RARA: variants seen among roughly 807,000 people sequenced by gnomAD.
The protein encoded by RARA is PML-DDX5-RARA fusion.
A neutral mutation model predicts 42.8 loss-of-function variants in RARA; 5 were observed. That is an observed-to-expected ratio of 0.12 (90% confidence interval 0.06 to 0.25). RARA has a LOEUF of 0.25. RARA is among the 10% of genes least tolerant of loss of function. The pLI, the probability that RARA is intolerant of heterozygous loss-of-function variation, is 1.00. For missense variants in RARA, 402 were observed against 628.7 expected (o/e 0.64, Z 3.86); for synonymous variants, 256 against 259.5 (o/e 0.99, Z 0.13).
At chr17:40,337,772 G>A (rs1219702695) in intron 2 of RARA, among the ~76,000 whole-genome samples, 10 of 152,222 alleles carry the variant, frequency 6.6e-5, no homozygotes, top group Non-Finnish European at 4.4e-5. Context: ...CCCAGCAGAA[G>A]GCAGAAAGGA....
rs537610439 is a variant in RARA, at chr17:40,318,494, G to T, written c.-363+9208G>T. On this transcript the variant is annotated intron_variant, in intron 1 of 8. Transcript: ENST00000254066. ...TTTGGGGAGCCCCTGGTTCCCGCAG[G>T]CGTCGGGGCCCCATGTCCTGCCCCA... 4 of 152,400 alleles carry T rather than the reference G, an allele frequency of 2.6e-5. No individual in the cohort carries two copies. In the South Asian group the frequency reaches 8.3e-4, roughly 32 times the overall value. 9.4% of individuals were successfully genotyped at this position (152,400 alleles called of 1,614,324 possible). A position where few individuals can be genotyped will look rare whatever the true frequency, so the allele number is the denominator to read the frequency against.
intron 1 of RARA, among the ~76,000 whole-genome samples, chr17:40,314,244 C>G (rs1345051253): frequency 6.6e-6 from 1 of 151,378 alleles, no homozygotes; most frequent in Non-Finnish European, 1.5e-5. Context: ...CCCATCAGCT[C>G]TGGTAACTCA....
rs1459578506 is a variant in RARA, at chr17:40,356,642, C to T, written c.*416C>T. ...CTGGGGAACCTCAACCTCCCCCCTG[C>T]CTCGGTTGGTGACAGAGGGGGTGGG... is the stretch of plus-strand genomic sequence containing the variant. On this transcript the variant is annotated 3_prime_UTR_variant, in exon 9 of 9. Coordinates refer to ENST00000254066, the MANE Select transcript of RARA (RefSeq NM_000964.4). The T allele has an allele frequency of 1.7e-5, 9 of 540,034 alleles. No individual in the cohort carries two copies. In the East Asian group the frequency reaches 3.5e-4, roughly 21 times the overall value. The allele number at this position is 540,034 out of a possible 1,614,324, so 33.5% of individuals were successfully genotyped here. A position where few individuals can be genotyped will look rare whatever the true frequency, so the allele number is the denominator to read the frequency against.
In RARA at chr17:40,331,379, G is replaced by A. The variant is rs2033687393; in HGVS notation, c.161G>A (p.Ser54Asn). The change falls in exon 2 of 9, where the codon AGC becomes AAC. Residue 54 changes from serine to asparagine, a missense_variant. Physicochemically the swap from Ser to Asn is conservative, Grantham distance 46 (BLOSUM62 1). This residue lies in a region of RARA where 91 missense variants were observed against 105.2 expected (regional missense o/e 0.87). Transcript: ENST00000254066. ...CACCAGCTTCCAGTTAGTGGATATA[G>A]CACACCATCCCCAGCCAGTAAGTCT... Reference protein sequence around the residue: ...LQHQLPVSGYSTPSPATIETQ... With the variant: ...LQHQLPVSGYNTPSPATIETQ... The A allele has an allele frequency of 6.2e-7, 1 of 1,613,508 alleles. No homozygotes were observed. Among genetic ancestry groups the A allele is most frequent in the Non-Finnish European group, 8.5e-7 (1 of 1,179,702 alleles).
rs533343697 is a variant in RARA, at chr17:40,347,967, G to A, written c.179-349G>A. 53 of 203,126 alleles carry A rather than the reference G, an allele frequency of 2.6e-4. 1 individual carries two copies. The highest frequency in any genetic ancestry group is 1.6e-3 in the East Asian group (15 of 9,398). 12.6% of individuals were successfully genotyped at this position (203,126 alleles called of 1,614,324 possible). A position where few individuals can be genotyped will look rare whatever the true frequency, so the allele number is the denominator to read the frequency against. ...CTCCTTCCTAACTCGGGGGGAGAAC[G>A]GGGCCAGGCCGCCCAGGGGCAAGAG... is the stretch of plus-strand genomic sequence containing the variant. On this transcript the variant is annotated intron_variant, in intron 2 of 8. Transcript: ENST00000254066.
intron 6 of RARA, among the ~76,000 whole-genome samples, chr17:40,353,229 A>G (rs2034508912): frequency 6.6e-6 from 1 of 151,260 alleles, no homozygotes; most frequent in African/African-American, 2.4e-5. Context: ...TGCTGAGCTC[A>G]GGGGACTGCC....
intron 1 of RARA, among the ~76,000 whole-genome samples, chr17:40,312,220 G>A (rs867657058): frequency 9.2e-5 from 14 of 152,338 alleles, no homozygotes; most frequent in South Asian, 8.3e-4. Flanking sequence ...GTCAGAAATT[G>A]GGAAGGTTTC....
Position 40,355,995 on chromosome 17 carries a change from C to A in RARA, c.1172-14C>A, listed in dbSNP as rs773197353. ...GGCCCAGCGTGCTGACCTCTGCCCC[C>A]TCCTTTCCTGCAGGGGCTGAGCGGG... On this transcript the variant is annotated splice_polypyrimidine_tract_variant and intron_variant, in intron 8 of 8. Coordinates refer to ENST00000254066, the MANE Select transcript of RARA (RefSeq NM_000964.4). This position sits in a 1 kb window ranked among gnomAD's most constrained non-coding sequence, Gnocchi z 4.1. 6.3e-7 allele frequency: 1 copy of A among 1,587,708 alleles called. No homozygotes were observed. Among genetic ancestry groups the A allele is most frequent in the East Asian group, 2.3e-5 (1 of 43,920 alleles).
At chr17:40,340,382 CCTTA>C (rs1189426300) in intron 2 of RARA, among the ~76,000 whole-genome samples, 1 of 152,192 alleles carries the variant, frequency 6.6e-6, no homozygotes, top group Non-Finnish European at 1.5e-5. Context: ...AATCCAAAAG[CCTTA>C]CTGAGGCCTA....
At chr17:40,330,047 CA>C (rs948424708) in intron 1 of RARA, among the ~76,000 whole-genome samples, 2 of 152,204 alleles carry the variant, frequency 1.3e-5, no homozygotes, top group African/African-American at 4.8e-5. Flanking sequence ...GCTGTTCAAA[CA>C]GGGTGTGGAT....
At chr17:40,316,232 G>A (rs1185995403) in intron 1 of RARA, among the ~76,000 whole-genome samples, 1 of 152,218 alleles carries the variant, frequency 6.6e-6, no homozygotes. Flanking sequence ...TGACCCCTGC[G>A]GGGGGTGGGT....
rs1391309335 is a variant in RARA at position 40,351,715 on chromosome 17, T to A, written c.470-195T>A. On this transcript the variant is annotated intron_variant, in intron 4 of 8. Coordinates refer to ENST00000254066, the MANE Select transcript of RARA (RefSeq NM_000964.4). This position sits in a 1 kb window ranked among gnomAD's most constrained non-coding sequence, Gnocchi z 4.1. ...CTCATGGGGCTTCTGGGGCAGAACT[T>A]GATGTGTGGGTTGGGTGGGCATGGA... Among the ~76,000 whole-genome samples the A allele has an allele frequency of 6.6e-6, 1 of 151,582 alleles. No homozygotes were observed. The highest frequency in any genetic ancestry group is 2.4e-5 in the African/African-American group (1 of 41,206).
At chr17:40,344,635 A>G (rs2034192710) in intron 2 of RARA, among the ~76,000 whole-genome samples, 1 of 152,218 alleles carries the variant, frequency 6.6e-6, no homozygotes, top group South Asian at 2.1e-4. Flanking sequence ...ACCACTGGAC[A>G]TGGGGAAGTG....
At chr17:40,331,473 GTC>G in intron 2 of RARA, 77 bp downstream of exon 2, 1 of 1,484,922 alleles carries the variant, frequency 6.7e-7, no homozygotes, top group Non-Finnish European at 9.0e-7. Context: ...CTCTGGGCAC[GTC>G]TGTTCTGCTG....
chr17:40,323,696 C>A (rs1441196153), intron 1 of RARA, among the ~76,000 whole-genome samples: 2 of 136,618 alleles, frequency 1.5e-5, no homozygotes, highest in African/African-American at 5.7e-5. Context: ...GTTCTAGCCC[C>A]AACTGAGTAG....
chr17:40,337,134 C>G (rs190454680), intron 2 of RARA, among the ~76,000 whole-genome samples: 1 of 152,332 alleles, frequency 6.6e-6, no homozygotes, highest in East Asian at 1.9e-4. Flanking sequence ...GACATTATCC[C>G]CACTTACACA....
chr17:40,337,404 C>G (rs750551071), intron 2 of RARA, among the ~76,000 whole-genome samples: 3 of 152,108 alleles, frequency 2.0e-5, no homozygotes, highest in Non-Finnish European at 4.4e-5. Flanking sequence ...CCCCTCCTCT[C>G]TGTTTTGGAT....
rs1198506727 is a variant in RARA, at chr17:40,331,192, C to T, written c.-27C>T. On this transcript the variant is annotated 5_prime_UTR_variant, in exon 2 of 9. Coordinates refer to ENST00000254066, the MANE Select transcript of RARA (RefSeq NM_000964.4). The stretch of plus-strand genomic sequence containing the variant: ...CCAGAGCCCCCTGCCAGACTGTCTG[C>T]CTCCCTTCTGACTGTGGCCGCTTGG... 1 of 1,590,216 alleles carries T rather than the reference C, an allele frequency of 6.3e-7. No individual in the cohort carries two copies.
intron 1 of RARA, among the ~76,000 whole-genome samples, chr17:40,316,926 G>C (rs944624979): frequency 6.6e-6 from 1 of 152,210 alleles, no homozygotes; most frequent in Non-Finnish European, 1.5e-5. Context: ...GCCCAGCACT[G>C]CTGGGGCAGT....
Sources: gnomAD v4.1 joint callset for allele counts (sites outside exome capture counted in the v4.1 genomes callset) on GRCh38, gnomAD v4.1.1 for gene constraint, gnomAD v4.1.1 regional missense constraint, Gnocchi (gnomAD v3.1) non-coding constraint, MANE v1.5 for transcripts, NCBI Gene and HGNC (gene_info 2026-07-23, HGNC 2026-07-21) for gene names.